LCMT1: variants seen among roughly 807,000 people sequenced by gnomAD.
LCMT1 encodes the protein leucine carboxyl methyltransferase 1, also known as [Phosphatase 2A protein]-leucine-carboxy methyltransferase 1.
Under a neutral mutation model 47.7 loss-of-function variants are expected in LCMT1, and 32 were observed. The ratio of observed to expected loss-of-function variants is 0.67; its 90% CI spans 0.51 to 0.90. LCMT1 has a LOEUF of 0.90. Among genes scored for constraint, LCMT1 ranks in the 40% least tolerant of loss-of-function variants. The pLI, the probability that LCMT1 is intolerant of heterozygous loss-of-function variation, is 0.00. For missense variants in LCMT1, 375 were observed against 415.2 expected, an observed-to-expected ratio of 0.90 and a Z score of 0.84; for synonymous variants, 152 against 149.7, an observed-to-expected ratio of 1.02 and a Z score of -0.11.
intron 5 of LCMT1, among the ~76,000 whole-genome samples, chr16:25,159,753 C>T (rs1353298495): frequency 1.3e-5 from 2 of 151,916 alleles, no homozygotes; most frequent in Non-Finnish European, 2.9e-5. Flanking sequence ...TAAATGAGAA[C>T]CTATTTACAT....
At chr16:25,174,881 T>C (rs1179340804) in intron 9 of LCMT1, 56 bp from the exon 10 acceptor site, 3 of 872,698 alleles carry the variant, frequency 3.4e-6, no homozygotes. Flanking sequence ...CTATGGGCCA[T>C]GATCTTCATT....
chr16:25,139,960 T>C, intron 3 of LCMT1: 1 of 536,950 alleles, frequency 1.9e-6, no homozygotes, highest in African/African-American at 1.9e-5. Context: ...CCTGGCTGAC[T>C]CCTCTGGCTT....
chr16:25,160,001 T>G (rs1183502033), intron 5 of LCMT1, among the ~76,000 whole-genome samples: 1 of 151,700 alleles, frequency 6.6e-6, no homozygotes, highest in Non-Finnish European at 1.5e-5. Context: ...AGCCTCACTC[T>G]GTCGCCCAGG....
At chr16:25,115,877 C>T (rs760225857) in intron 1 of LCMT1, among the ~76,000 whole-genome samples, 10 of 152,180 alleles carry the variant, frequency 6.6e-5, no homozygotes, top group South Asian at 2.1e-4. Flanking sequence ...GGGGTTTCAC[C>T]ATGTTGGTCA....
chr16:25,150,533 G>A lies in LCMT1; in HGVS notation c.405-1021G>A, dbSNP rs566342497. Among the ~76,000 whole-genome samples the A allele has an allele frequency of 3.8e-4, 57 of 151,628 alleles. No homozygotes were observed. The South Asian group carries it at 4.4e-3, about 12-fold the overall frequency. ...CTAATTTTGTATTTTTAGTAGAGAC[G>A]GGTTTTCTCCATTTTGGTCGGGCTG... On this transcript the variant is annotated intron_variant, in intron 4 of 10. Coordinates refer to ENST00000399069, the MANE Select transcript of LCMT1 (RefSeq NM_016309.3).
rs552393118 is a variant in LCMT1, at chr16:25,177,930, G to C, written c.983-71G>C. On this transcript the variant is annotated intron_variant, in intron 10 of 10. Transcript: ENST00000399069. ...GCTGGTGCCCCTGAGCCGGTCACTGGGGGTCCTCTAGGGGCCTCTGCTCCT... is the reference window on the plus strand; with the variant it reads ...GCTGGTGCCCCTGAGCCGGTCACTGCGGGTCCTCTAGGGGCCTCTGCTCCT... 6 of 1,386,254 alleles carry C rather than the reference G, an allele frequency of 4.3e-6. No homozygotes were observed. In the South Asian group the frequency reaches 6.9e-5, roughly 16 times the overall value. 85.9% of individuals were successfully genotyped at this position (1,386,254 alleles called of 1,614,324 possible). A position where few individuals can be genotyped will look rare whatever the true frequency, so the allele number is the denominator to read the frequency against.
chr16:25,114,194 T>C (rs1265988791), intron 1 of LCMT1, among the ~76,000 whole-genome samples: 1 of 152,240 alleles, frequency 6.6e-6, no homozygotes, highest in Non-Finnish European at 1.5e-5. Flanking sequence ...TCTGGGTACC[T>C]GTAAATCTTT....
At chr16:25,137,638 C>G (rs1285196027) in intron 3 of LCMT1, among the ~76,000 whole-genome samples, 1 of 150,354 alleles carries the variant, frequency 6.7e-6, no homozygotes, top group Non-Finnish European at 1.5e-5. Context: ...GAGATAGGGT[C>G]TTGCTGTGTT....
chr16:25,142,158 G>A (rs1960714199), intron 4 of LCMT1: 1 of 152,264 alleles, frequency 6.6e-6, no homozygotes, highest in African/African-American at 2.4e-5. Context: ...TACCCCATGG[G>A]TGCACAAACT....
intron 9 of LCMT1, among the ~76,000 whole-genome samples, chr16:25,173,426 G>T (rs1961832664): frequency 6.6e-6 from 1 of 152,198 alleles, no homozygotes; most frequent in African/African-American, 2.4e-5. Context: ...TACTTTATGT[G>T]TAGGCATTCT....
At chr16:25,120,709 G>T (rs1277666746) in intron 1 of LCMT1, among the ~76,000 whole-genome samples, 1 of 148,472 alleles carries the variant, frequency 6.7e-6, no homozygotes, top group Admixed American at 6.7e-5. Context: ...GATTACAGGC[G>T]TGAGACACCG....
chr16:25,132,281 C>A, intron 2 of LCMT1, 121 bp from the exon 3 acceptor site: 1 of 1,251,304 alleles, frequency 8.0e-7, no homozygotes, highest in Non-Finnish European at 1.1e-6. Context: ...GCAGATTAAC[C>A]TCTGACACTG....
chr16:25,151,970 A>C (rs535430400), intron 5 of LCMT1, among the ~76,000 whole-genome samples: 4 of 152,268 alleles, frequency 2.6e-5, no homozygotes, highest in Admixed American at 2.6e-4. Context: ...AATATTTATG[A>C]AGGGCGAACT....
intron 3 of LCMT1, among the ~76,000 whole-genome samples, chr16:25,134,032 TAAA>T (rs781659291): frequency 4.0e-5 from 5 of 126,158 alleles, no homozygotes; most frequent in East Asian, 4.5e-4. Context: ...CTTCGTCTCT[TAAA>T]AAAAAAAAAA....
At chr16:25,171,412 A>T (rs1182248013) in intron 9 of LCMT1, among the ~76,000 whole-genome samples, 1 of 152,046 alleles carries the variant, frequency 6.6e-6, no homozygotes, top group African/African-American at 2.4e-5. Flanking sequence ...ACTGCTTCTC[A>T]AAAAAACAAA....
chr16:25,115,655 C>A (rs1318653440), intron 1 of LCMT1, among the ~76,000 whole-genome samples: 1 of 152,176 alleles, frequency 6.6e-6, no homozygotes, highest in Non-Finnish European at 1.5e-5. Flanking sequence ...TAGAATGAAA[C>A]TCCCTTAACC....
chr16:25,153,577 A>T (rs116238327), intron 5 of LCMT1, among the ~76,000 whole-genome samples: 78 of 19,610 alleles, frequency 4.0e-3, no homozygotes, highest in African/African-American at 0.014. Context: ...ATGGGGGATT[A>T]AATTTCCAAC....
At chr16:25,139,974 G>T (rs1960630839) in intron 3 of LCMT1, 197 bp from the exon 4 acceptor site, 2 of 553,704 alleles carry the variant, frequency 3.6e-6, no homozygotes, top group Admixed American at 3.1e-5. Flanking sequence ...CTGGCTTCCT[G>T]ACTTTTTACC....
At chr16:25,115,924 T>C (rs997118234) in intron 1 of LCMT1, among the ~76,000 whole-genome samples, 1 of 152,190 alleles carries the variant, frequency 6.6e-6, no homozygotes, top group Non-Finnish European at 1.5e-5. Flanking sequence ...GTGATCCACC[T>C]GCCTCAGCCC....
Sources: gnomAD v4.1 joint callset for allele counts (sites outside exome capture counted in the v4.1 genomes callset) on GRCh38, gnomAD v4.1.1 for gene constraint, MANE v1.5 for transcripts, NCBI Gene and HGNC (gene_info 2026-07-23, HGNC 2026-07-21) for gene names.